The following SHANK2 variants were observed in gnomAD, a reference collection of about 807,000 sequenced individuals.
The protein encoded by SHANK2 is SH3 and multiple ankyrin repeat domains protein 2.
A neutral mutation model predicts 133.7 loss-of-function variants in SHANK2; 43 were observed. The observed-to-expected ratio is 0.32, with a 90% CI of 0.25 to 0.41. The LOEUF is 0.41. Ranked by LOEUF, SHANK2 falls within the 10% of genes least tolerant of loss-of-function variation. The pLI, the probability that SHANK2 is intolerant of heterozygous loss-of-function variation, is 1.00. For missense variants in SHANK2, 1,994 were observed against 2,235.8 expected, an observed-to-expected ratio of 0.89 and a Z score of 2.18; for synonymous variants, 1,017 against 952.8, an observed-to-expected ratio of 1.07 and a Z score of -1.24.
intron 11 of SHANK2, among the ~76,000 whole-genome samples, chr11:70,827,128 C>T (rs1555057373): frequency 6.6e-6 from 1 of 152,110 alleles, no homozygotes; most frequent in Non-Finnish European, 1.5e-5. Context: ...CAGACATGGC[C>T]AGCATTCTGG....
chr11:70,870,938 C>T (rs925201146), intron 11 of SHANK2, among the ~76,000 whole-genome samples: 3 of 152,090 alleles, frequency 2.0e-5, no homozygotes, highest in East Asian at 1.9e-4. Flanking sequence ...CCACCACGCC[C>T]GGCTAATCTT....
chr11:70,915,171 T>G (rs2135739704), intron 10 of SHANK2, among the ~76,000 whole-genome samples: 1 of 152,190 alleles, frequency 6.6e-6, no homozygotes, highest in East Asian at 1.9e-4. Flanking sequence ...CCCAATATGA[T>G]CCCTCAAAAA....
intron 2 of SHANK2, among the ~76,000 whole-genome samples, chr11:71,218,523 A>G (rs1954465134): frequency 6.6e-6 from 1 of 152,052 alleles, no homozygotes; most frequent in South Asian, 2.1e-4. Context: ...TCAGCCTCCC[A>G]AAGTGCTGGA....
intron 14 of SHANK2, among the ~76,000 whole-genome samples, chr11:70,780,934 TTTA>T (rs1947470844): frequency 6.6e-6 from 1 of 152,138 alleles, no homozygotes; most frequent in Non-Finnish European, 1.5e-5. Flanking sequence ...TTGTTGTTGT[TTTA>T]ACGCAGGAGA....
chr11:71,067,869 C>T (rs1397454981), intron 9 of SHANK2, among the ~76,000 whole-genome samples: 1 of 151,830 alleles, frequency 6.6e-6, no homozygotes, highest in Non-Finnish European at 1.5e-5. Context: ...GTCACCATCA[C>T]CATCACCACC....
rs1287755904 is a variant in SHANK2, at chr11:70,820,544, G to A, written c.1313C>T (p.Thr438Met). ...TGACAGGCTGCGGTGCGAGGTGGCC[G>A]TGGAGCAGACGGCCCAGTCGGGAGC... ...ASAPDWAVCSTATSHRSLSPQ... is the reference protein window; with the variant it reads ...ASAPDWAVCSMATSHRSLSPQ... Residue 438 changes from threonine (T) to methionine (M), a missense_variant, in exon 12 of 26, where the codon ACG becomes ATG. By Grantham distance (81) the Thr-to-Met change is moderately conservative (BLOSUM62 -1). This residue lies in a region of SHANK2 where 653 missense variants were observed against 563.4 expected (regional missense o/e 1.16). Coordinates refer to ENST00000601538, the MANE Select transcript of SHANK2 (RefSeq NM_012309.5). The A allele has an allele frequency of 2.7e-5, 19 of 716,952 alleles. No individual in the cohort carries two copies. The highest frequency in any genetic ancestry group is 2.3e-4 in the Middle Eastern group (1 of 4,388). The allele number at this position is 716,952 out of a possible 1,614,324, so 44.4% of individuals were successfully genotyped here.
chr11:70,895,933 C>T lies in SHANK2; in HGVS notation c.1174+568G>A, dbSNP rs74606442. 4.4e-3 allele frequency among the ~76,000 whole-genome samples: 664 copies of T among 152,076 alleles called. 5 individuals carry two copies. The highest frequency in any genetic ancestry group is 0.015 in the African/African-American group (639 of 41,478). ...TTACCCAGAGAGCCCCTGCCCCTCA[C>T]GTGCAGTCTCCCCAGTCATCAACAC... is the stretch of plus-strand genomic sequence containing the variant. On this transcript the variant is annotated intron_variant, in intron 11 of 25. Coordinates refer to ENST00000601538, the MANE Select transcript of SHANK2 (RefSeq NM_012309.5).
chr11:70,647,010 C>T (rs377465623), intron 17 of SHANK2, among the ~76,000 whole-genome samples: 25 of 151,868 alleles, frequency 1.6e-4, no homozygotes, highest in Admixed American at 8.5e-4. Context: ...TACAGGTGTC[C>T]GCCACCATGC....
intron 17 of SHANK2, among the ~76,000 whole-genome samples, chr11:70,503,326 C>T (rs563444718): frequency 6.6e-6 from 1 of 152,312 alleles, no homozygotes; most frequent in South Asian, 2.1e-4. Context: ...AGGCGAGTTC[C>T]AGGGCTGGGC....
intron 17 of SHANK2, among the ~76,000 whole-genome samples, chr11:70,621,233 T>C (rs1386473536): frequency 6.6e-6 from 1 of 152,214 alleles, no homozygotes; most frequent in Non-Finnish European, 1.5e-5. Flanking sequence ...GGGGCAGTCC[T>C]AGACACTTGA....
chr11:70,938,160 C>T (rs146746615), intron 10 of SHANK2, among the ~76,000 whole-genome samples: 136 of 152,236 alleles, frequency 8.9e-4, no homozygotes, highest in Admixed American at 1.7e-3. Context: ...AGCCAATTGG[C>T]TAGGGACAGA....
chr11:70,870,579 C>T (rs1407117552), intron 11 of SHANK2, among the ~76,000 whole-genome samples: 1 of 152,038 alleles, frequency 6.6e-6, no homozygotes, highest in Non-Finnish European at 1.5e-5. Flanking sequence ...AGTCTGAGGT[C>T]AAGGTGTTGG....
At chr11:70,591,481 G>T (rs2060320010) in intron 17 of SHANK2, among the ~76,000 whole-genome samples, 1 of 152,096 alleles carries the variant, frequency 6.6e-6, no homozygotes, top group African/African-American at 2.4e-5. Flanking sequence ...AGGAGTAAGC[G>T]CATTGCCCTG....
At chr11:70,723,375 C>T (rs1946110012) in intron 14 of SHANK2, among the ~76,000 whole-genome samples, 1 of 151,636 alleles carries the variant, frequency 6.6e-6, no homozygotes, top group Non-Finnish European at 1.5e-5. Flanking sequence ...CCCCATCTAG[C>T]AAGGAGACAC....
intron 21 of SHANK2, among the ~76,000 whole-genome samples, chr11:70,494,552 C>T (rs542446296): frequency 3.3e-5 from 5 of 152,292 alleles, no homozygotes; most frequent in Admixed American, 1.3e-4. Flanking sequence ...CCTTGGCCTC[C>T]CAAAGTGCTG....
chr11:70,852,993 G>C (rs923192849), intron 11 of SHANK2, among the ~76,000 whole-genome samples: 24 of 152,186 alleles, frequency 1.6e-4, no homozygotes, highest in African/African-American at 5.3e-4. Context: ...GGCCACGTGG[G>C]AAGTTCTGCA....
At chr11:70,520,991 G>A (rs1396827081) in intron 17 of SHANK2, among the ~76,000 whole-genome samples, 1 of 152,092 alleles carries the variant, frequency 6.6e-6, no homozygotes, top group Admixed American at 6.5e-5. Flanking sequence ...CCTCCACTGT[G>A]CTGTATGAGC....
At chr11:71,220,429 G>T (rs1954512303) in intron 2 of SHANK2, among the ~76,000 whole-genome samples, 1 of 152,090 alleles carries the variant, frequency 6.6e-6, no homozygotes, top group South Asian at 2.1e-4. Flanking sequence ...TCTGGGGGTA[G>T]GTATATGCCT....
intron 11 of SHANK2, among the ~76,000 whole-genome samples, chr11:70,891,659 G>A (rs1365657835): frequency 2.6e-5 from 4 of 152,098 alleles, no homozygotes; most frequent in Non-Finnish European, 2.9e-5. Context: ...CTTTCATTCT[G>A]TGATCCCACA....
Sources: allele counts gnomAD v4.1 joint callset (sites outside exome capture counted in the v4.1 genomes callset), GRCh38; gene constraint gnomAD v4.1.1; regional missense constraint gnomAD v4.1.1; transcripts MANE v1.5; gene names NCBI Gene and HGNC (gene_info 2026-07-23, HGNC 2026-07-21).